Variants in COL6A6 observed in about 807,000 individuals in gnomAD.
COL6A6 encodes the protein collagen type VI alpha 6 chain.
A neutral mutation model predicts 208.6 loss-of-function variants in COL6A6; 183 were observed. The ratio of observed to expected loss-of-function variants is 0.88; its 90% CI spans 0.78 to 0.99. COL6A6 has a LOEUF of 0.99. Among genes scored for constraint, COL6A6 ranks in the 50% least tolerant of loss-of-function variants. COL6A6 has a pLI of 0.00. For missense variants in COL6A6, 2,816 were observed against 2,815.2 expected, an observed-to-expected ratio of 1.00 and a Z score of -0.01; for synonymous variants, 973 against 1,011.8, an observed-to-expected ratio of 0.96 and a Z score of 0.73.
At chr3:130,524,557 AATAG>A (rs1237102239) in intron 1 of COL6A6, among the ~76,000 whole-genome samples, 1 of 152,238 alleles carries the variant, frequency 6.6e-6, no homozygotes, top group African/African-American at 2.4e-5. Context: ...GATCAGCTTG[AATAG>A]ATAAATTCAT....
chr3:130,598,239 AT>A, intron 18 of COL6A6, 125 bp from the exon 19 acceptor site: 1 of 621,990 alleles, frequency 1.6e-6, no homozygotes, highest in Non-Finnish European at 2.8e-6. Flanking sequence ...ATTTTAACCT[AT>A]TTCTGCTTTC....
intron 23 of COL6A6, among the ~76,000 whole-genome samples, chr3:130,619,375 A>G (rs368226358): frequency 7.2e-5 from 11 of 152,184 alleles, no homozygotes; most frequent in East Asian, 5.8e-4. Context: ...AAAAATTTGC[A>G]TGAGTGTGGA....
intron 7 of COL6A6, among the ~76,000 whole-genome samples, chr3:130,572,367 C>T (rs4682600): frequency 0.64 from 97,353 of 152,000 alleles, 35,995 homozygotes; most frequent in Non-Finnish European, 0.82. Context: ...TACTTAGTTT[C>T]CTGAGTAATT....
At chr3:130,553,135 A>G (rs1269519977) in intron 1 of COL6A6, among the ~76,000 whole-genome samples, 1 of 152,040 alleles carries the variant, frequency 6.6e-6, no homozygotes, top group Non-Finnish European at 1.5e-5. Context: ...GGGGATGGCC[A>G]TCTTGTGTAG....
At chr3:130,520,672 G>A (rs1711013562) in intron 1 of COL6A6, among the ~76,000 whole-genome samples, 1 of 152,192 alleles carries the variant, frequency 6.6e-6, no homozygotes. Context: ...AGCTGTAGCA[G>A]TTGCACTTTG....
chr3:130,576,040 A>G (rs1349021890), intron 8 of COL6A6, among the ~76,000 whole-genome samples: 3 of 152,178 alleles, frequency 2.0e-5, no homozygotes, highest in Non-Finnish European at 4.4e-5. Flanking sequence ...ATGGGAGATC[A>G]GAGGAGCCCA....
Position 130,634,605 on chromosome 3 carries a change from C to G in COL6A6, c.5008C>G (p.Pro1670Ala), listed in dbSNP as rs1461236621. The G allele has an allele frequency of 6.2e-7, 1 of 1,607,624 alleles. No homozygotes were observed. Among genetic ancestry groups the G allele is most frequent in the Non-Finnish European group, 8.5e-7 (1 of 1,176,778 alleles). The change falls in exon 27 of 37, where the codon CCT becomes GCT. Residue 1670 changes from proline to alanine, a missense_variant. Pro to Ala is a conservative substitution (Grantham distance 27, BLOSUM62 -1). Transcript: ENST00000358511. Reference sequence around the variant, plus strand: ...TCCATTACAGGGACAAGAAGGATTCCCTGGAGAAAGTGGACCTAAGGTACC... The same window carrying G: ...TCCATTACAGGGACAAGAAGGATTCGCTGGAGAAAGTGGACCTAAGGTACC... ...RKGAKGQEGF[P>A]GESGPKGEIG... is the part of the protein sequence containing the mutation.
chr3:130,671,829 A>C (rs945916903), intron 36 of COL6A6, among the ~76,000 whole-genome samples: 6 of 152,206 alleles, frequency 3.9e-5, no homozygotes, highest in African/African-American at 1.4e-4. Flanking sequence ...TGAGGATGAG[A>C]GAGCAGGGCA....
intron 22 of COL6A6, among the ~76,000 whole-genome samples, chr3:130,609,684 G>A (rs2064295367): frequency 1.3e-5 from 2 of 152,070 alleles, no homozygotes; most frequent in Admixed American, 1.3e-4. Flanking sequence ...GAAAGCTTGA[G>A]GAATAAGTGT....
intron 11 of COL6A6, among the ~76,000 whole-genome samples, 165 bp from the exon 12 acceptor site, chr3:130,588,917 CAAAAAAAA>C (rs58377635): frequency 1.0e-4 from 7 of 68,262 alleles, no homozygotes; most frequent in South Asian, 9.6e-4. Context: ...AAGATGGAAG[CAAAAAAAA>C]AAAAAAAAAA....
rs544870573 is a variant in COL6A6, at chr3:130,582,609, C to T, written c.3970+541C>T. Among the ~76,000 whole-genome samples the T allele has an allele frequency of 2.0e-4, 31 of 152,172 alleles. No homozygotes were observed. The East Asian group carries it at 5.6e-3, about 27-fold the overall frequency. ...TGGCACCAGGCTTTTGGCTTTTGAA[C>T]CAAAAGCTATTCTGAGTCAAACAAG... is the stretch of plus-strand genomic sequence containing the variant. On this transcript the variant is annotated intron_variant, in intron 10 of 36. Transcript: ENST00000358511.
In COL6A6 at chr3:130,634,614, A is replaced by G. The variant is rs181242587; in HGVS notation, c.5017A>G (p.Ser1673Gly). The G allele has an allele frequency of 1.1e-4, 176 of 1,607,906 alleles. No individual in the cohort carries two copies. In the African/African-American group the frequency reaches 2.1e-3, roughly 19 times the overall value. ...AKGQEGFPGE[S>G]GPKGEIGDPG... ...GGGACAAGAAGGATTCCCTGGAGAAAGTGGACCTAAGGTACCGTGTGCTTC... is the reference window on the plus strand; with the variant it reads ...GGGACAAGAAGGATTCCCTGGAGAAGGTGGACCTAAGGTACCGTGTGCTTC... Residue 1673 changes from serine to glycine, a missense_variant, in exon 27 of 37, where the codon AGT becomes GGT. Physicochemically the swap from Ser to Gly is moderately conservative, Grantham distance 56 (BLOSUM62 0). Coordinates refer to ENST00000358511, the MANE Select transcript of COL6A6 (RefSeq NM_001102608.3).
intron 36 of COL6A6, among the ~76,000 whole-genome samples, chr3:130,671,784 T>G (rs1273374822): frequency 2.0e-5 from 3 of 152,140 alleles, no homozygotes; most frequent in African/African-American, 7.2e-5. Context: ...AGGAGCTGAA[T>G]CAAACCACAA....
At chr3:130,641,814 C>A in intron 29 of COL6A6, 100 bp downstream of exon 29, 1 of 596,496 alleles carries the variant, frequency 1.7e-6, no homozygotes, top group South Asian at 3.4e-5. Context: ...TGCCTTCTGT[C>A]TCTGCTTCTT....
In COL6A6 at chr3:130,643,420, G is replaced by A. The variant is rs376717091; in HGVS notation, c.5227+397G>A. Among the ~76,000 whole-genome samples the A allele has an allele frequency of 7.2e-5, 11 of 152,296 alleles. No individual in the cohort carries two copies. In the South Asian group the frequency reaches 2.3e-3, roughly 32 times the overall value. On this transcript the variant is annotated intron_variant, in intron 31 of 36. Coordinates refer to ENST00000358511, the MANE Select transcript of COL6A6 (RefSeq NM_001102608.3). ...GCAGCCGTGATAATAGGGTGTCCTG[G>A]TGGGTGCGAGTCCTGACTTTGGTTT...
At chr3:130,608,631 G>A (rs2064256771) in intron 21 of COL6A6, among the ~76,000 whole-genome samples, 1 of 151,924 alleles carries the variant, frequency 6.6e-6, no homozygotes, top group African/African-American at 2.4e-5. Context: ...TATAAGAAAG[G>A]GGTGGGGGCT....
chr3:130,533,254 A>T (rs1208616425), intron 1 of COL6A6, among the ~76,000 whole-genome samples: 19 of 4,500 alleles, frequency 4.2e-3, no homozygotes, highest in Middle Eastern at 0.05. Flanking sequence ...CCCAGGAATT[A>T]AAAAAAAAAA....
At position 130,595,933 on chromosome 3, in the gene COL6A6, C is replaced by T. The variant is rs112640965; in HGVS notation, c.4533+1590C>T. Among the ~76,000 whole-genome samples the T allele has an allele frequency of 3.8e-3, 583 of 152,220 alleles. 2 individuals are homozygous for T. Among genetic ancestry groups the T allele is most frequent in the South Asian group, 0.021 (99 of 4,818 alleles). ...TACTCCCACTAGCAATGTATGAGAACGGTATTACACACTCATCAGAATGGT... is the reference window on the plus strand; with the variant it reads ...TACTCCCACTAGCAATGTATGAGAATGGTATTACACACTCATCAGAATGGT... On this transcript the variant is annotated intron_variant, in intron 18 of 36. Coordinates refer to ENST00000358511, the MANE Select transcript of COL6A6 (RefSeq NM_001102608.3).
intron 1 of COL6A6, among the ~76,000 whole-genome samples, chr3:130,538,299 C>T (rs2107736690): frequency 6.6e-6 from 1 of 152,214 alleles, no homozygotes; most frequent in East Asian, 1.9e-4. Flanking sequence ...AATATTATAC[C>T]TAAGCAAATG....
Sources: gnomAD v4.1 joint callset for allele counts (sites outside exome capture counted in the v4.1 genomes callset) on GRCh38, gnomAD v4.1.1 for gene constraint, MANE v1.5 for transcripts, NCBI Gene and HGNC (gene_info 2026-07-23, HGNC 2026-07-21) for gene names.